Variants in TAFA1 observed in about 807,000 individuals in gnomAD.
TAFA1 encodes the protein chemokine-like protein TAFA-1.
In TAFA1, 4 loss-of-function variants were observed where a neutral mutation model predicts 18.5. The observed-to-expected ratio is 0.22, with a 90% CI of 0.11 to 0.49. The LOEUF (loss-of-function observed/expected upper bound fraction) is 0.49, where lower values mean the gene tolerates loss of function less well. TAFA1 is among the 20% of genes least tolerant of loss of function. The pLI, the probability that TAFA1 is intolerant of heterozygous loss-of-function variation, is 0.98. For missense variants in TAFA1, 147 were observed against 169.0 expected (o/e 0.87, Z 0.72); for synonymous variants, 56 against 55.2 (o/e 1.01, Z -0.06).
chr3:68,207,379 A>G (rs2066540749), intron 2 of TAFA1, among the ~76,000 whole-genome samples: 1 of 151,978 alleles, frequency 6.6e-6, no homozygotes, highest in South Asian at 2.1e-4. Context: ...AATTCATAAA[A>G]GTGAAAAATA....
At chr3:68,110,230 T>A (rs2065248822) in intron 2 of TAFA1, among the ~76,000 whole-genome samples, 1 of 152,220 alleles carries the variant, frequency 6.6e-6, no homozygotes, top group Non-Finnish European at 1.5e-5. Context: ...ACGTGGTGTT[T>A]GTTTTTCTAT....
intron 2 of TAFA1, among the ~76,000 whole-genome samples, chr3:68,181,912 A>G (rs1191838709): frequency 6.6e-6 from 1 of 152,194 alleles, no homozygotes; most frequent in African/African-American, 2.4e-5. Flanking sequence ...CTATATGATA[A>G]ATACAGTTTA....
intron 3 of TAFA1, among the ~76,000 whole-genome samples, chr3:68,466,761 C>T (rs1368916215): frequency 5.3e-5 from 8 of 152,122 alleles, no homozygotes; most frequent in African/African-American, 1.7e-4. Flanking sequence ...CATGGTTTAT[C>T]GGAGGAACCA....
intron 2 of TAFA1, among the ~76,000 whole-genome samples, chr3:68,039,564 G>T (rs79993217): frequency 0.016 from 2,466 of 152,232 alleles, 76 homozygotes; most frequent in African/African-American, 0.056. Context: ...TCCAGTCAAA[G>T]ATTGTGTAGC....
At chr3:68,482,051 C>T (rs921282525) in intron 3 of TAFA1, among the ~76,000 whole-genome samples, 1 of 152,170 alleles carries the variant, frequency 6.6e-6, no homozygotes, top group South Asian at 2.1e-4. Context: ...CGCTCTGTCG[C>T]CCAGGCTGGA....
Position 68,286,618 on chromosome 3 carries a change from C to T in TAFA1, c.119-130662C>T, listed in dbSNP as rs1174431771. Among the ~76,000 whole-genome samples, 3 of 152,110 alleles carry T rather than the reference C, an allele frequency of 2.0e-5. No individual in the cohort carries two copies. In the East Asian group the frequency reaches 5.8e-4, roughly 29 times the overall value. On this transcript the variant is annotated intron_variant, in intron 2 of 4. Transcript: ENST00000478136. ...CAAGAAAGTTAGGAATTGCAAAAAC[C>T]ATCTCTTGAATTTCATTCAGAAAGT...
chr3:68,354,955 T>G (rs2069335039), intron 2 of TAFA1, among the ~76,000 whole-genome samples: 1 of 152,026 alleles, frequency 6.6e-6, no homozygotes, highest in Non-Finnish European at 1.5e-5. Context: ...AGTTTCAGCA[T>G]GAGCTTGGAG....
At position 68,290,660 on chromosome 3, in the gene TAFA1, C is replaced by CT. The variant is rs528213488; in HGVS notation, c.119-126617dup. Among the ~76,000 whole-genome samples the CT allele has an allele frequency of 1.4e-3, 207 of 152,242 alleles. 1 individual carries two copies. The highest frequency in any genetic ancestry group is 4.8e-3 in the African/African-American group (200 of 41,564). On this transcript the variant is annotated intron_variant, in intron 2 of 4. Coordinates refer to ENST00000478136, the MANE Select transcript of TAFA1 (RefSeq NM_213609.4). ...CCTTACTATCCTATAGTTAAAAACA[C>CT]TTTAATACTATAGCAATTCTCTTCT...
intron 2 of TAFA1, among the ~76,000 whole-genome samples, chr3:68,179,023 T>C (rs544921928): frequency 6.6e-6 from 1 of 152,308 alleles, no homozygotes; most frequent in South Asian, 2.1e-4. Context: ...ACTGTTAACA[T>C]ATCAAGGAGG....
At chr3:68,118,025 A>AT (rs1253334621) in intron 2 of TAFA1, among the ~76,000 whole-genome samples, 3 of 152,176 alleles carry the variant, frequency 2.0e-5, no homozygotes, top group East Asian at 1.9e-4. Flanking sequence ...GTTGAAAACA[A>AT]TTTTTTTCAT....
Position 68,423,321 on chromosome 3 carries a change from C to G in TAFA1, c.259+5901C>G, listed in dbSNP as rs150615549. Among the ~76,000 whole-genome samples the G allele has an allele frequency of 4.1e-4, 63 of 152,154 alleles. No homozygotes were observed. In the East Asian group the frequency reaches 0.011, roughly 27 times the overall value. ...CTCCCATTATTTCCATTTTATTCGC[C>G]AGGAAACTGAGGATCAGCGAAATTT... On this transcript the variant is annotated intron_variant, in intron 3 of 4. Transcript: ENST00000478136.
chr3:68,152,863 G>A (rs780763707), intron 2 of TAFA1, among the ~76,000 whole-genome samples: 3 of 151,946 alleles, frequency 2.0e-5, no homozygotes, highest in African/African-American at 2.4e-5. Context: ...ACTCCTCTCC[G>A]AACCAAGCAG....
chr3:68,323,503 C>T (rs900655515), intron 2 of TAFA1, among the ~76,000 whole-genome samples: 1 of 152,160 alleles, frequency 6.6e-6, no homozygotes, highest in Admixed American at 6.5e-5. Flanking sequence ...CAGTGATTGA[C>T]AATTCTCTGC....
At chr3:68,174,373 A>G (rs1008531020) in intron 2 of TAFA1, among the ~76,000 whole-genome samples, 2 of 152,170 alleles carry the variant, frequency 1.3e-5, no homozygotes, top group Non-Finnish European at 2.9e-5. Context: ...TGCCGCCAAG[A>G]AGACAGAAAA....
intron 3 of TAFA1, among the ~76,000 whole-genome samples, chr3:68,439,338 G>C (rs993349348): frequency 1.9e-4 from 28 of 147,574 alleles, no homozygotes; most frequent in African/African-American, 6.8e-4. Context: ...TATCACTCTT[G>C]AGTTTGGCCT....
chr3:68,293,532 G>T (rs1435724543), intron 2 of TAFA1, among the ~76,000 whole-genome samples: 1 of 152,192 alleles, frequency 6.6e-6, no homozygotes, highest in Non-Finnish European at 1.5e-5. Flanking sequence ...CTTCTTTCTA[G>T]ATATATGATC....
intron 2 of TAFA1, among the ~76,000 whole-genome samples, chr3:68,115,079 C>A (rs543979689): frequency 1.6e-4 from 25 of 152,244 alleles, no homozygotes; most frequent in African/African-American, 5.3e-4. Flanking sequence ...AATGTCAGAA[C>A]CCCTGGTTAC....
chr3:68,109,908 C>T (rs1034144297), intron 2 of TAFA1, among the ~76,000 whole-genome samples: 2 of 152,158 alleles, frequency 1.3e-5, no homozygotes, highest in African/African-American at 4.8e-5. Flanking sequence ...GATTTTTAAA[C>T]TGCAGAGCCT....
chr3:68,448,624 T>C (rs2071513894), intron 3 of TAFA1, among the ~76,000 whole-genome samples: 1 of 152,080 alleles, frequency 6.6e-6, no homozygotes, highest in Non-Finnish European at 1.5e-5. Context: ...TTTTTTTCTA[T>C]TTAAGGCCAC....
Sources: gnomAD v4.1 joint callset for allele counts (sites outside exome capture counted in the v4.1 genomes callset) on GRCh38, gnomAD v4.1.1 for gene constraint, MANE v1.5 for transcripts, NCBI Gene and HGNC (gene_info 2026-07-23, HGNC 2026-07-21) for gene names.